GTF2IRD1: variants seen among roughly 807,000 people sequenced by gnomAD.
GTF2IRD1 encodes the protein GTF2I repeat domain containing 1, also known as general transcription factor II-I repeat domain-containing protein 1.
Under a neutral mutation model 113.2 loss-of-function variants are expected in GTF2IRD1, and 26 were observed. That is an observed-to-expected ratio of 0.23 (90% CI 0.17 to 0.32). GTF2IRD1 has a LOEUF of 0.32. GTF2IRD1 is among the 10% of genes least tolerant of loss of function. The pLI is 1.00. For synonymous variants in GTF2IRD1, 484 were observed against 529.1 expected (o/e 0.91, Z 1.17); for missense variants, 864 against 1,280.8 (o/e 0.67, Z 4.97).
intron 22 of GTF2IRD1, chr7:74,572,620 C>T (rs1211086011): frequency 5.4e-6 from 5 of 925,592 alleles, no homozygotes; most frequent in African/African-American, 1.8e-5. Context: ...ATTTCCTTGT[C>T]GCCAATCACA....
chr7:74,512,167 C>A lies in GTF2IRD1; in HGVS notation c.124-663C>A, dbSNP rs1796673978. Among the ~76,000 whole-genome samples, 1 of 152,110 alleles carries A rather than the reference C, an allele frequency of 6.6e-6. No homozygotes were observed. Among genetic ancestry groups the A allele is most frequent in the South Asian group, 2.1e-4 (1 of 4,822 alleles). ...AGGAGTTTGAGACCAGCCTGGCCAA[C>A]ATGGTGAAACCCCATCTCTACTTAT... On this transcript the variant is annotated intron_variant, in intron 2 of 26. Transcript: ENST00000424337. The surrounding 1 kb of genome is among the most constrained non-coding windows in gnomAD (Gnocchi z 4.4).
rs1554348290 is a variant in GTF2IRD1, at chr7:74,529,828, G to T, written c.1185G>T (p.Lys395Asn). ...EAVEIVGIPD[K>N]IPFKRPCTYG... is the part of the protein sequence containing the mutation. ...TGGAGATCGTGGGCATCCCGGACAA[G>T]ATCCCCTTCAAGCGCCCCTGCACTT... Residue 395 changes from lysine to asparagine, a missense_variant, in exon 9 of 27, where the codon AAG becomes AAT. By Grantham distance (94) the Lys-to-Asn change is moderately conservative. Transcript: ENST00000424337. 1 of 1,613,684 alleles carries T rather than the reference G, an allele frequency of 6.2e-7. No homozygotes were observed. The highest frequency in any genetic ancestry group is 8.5e-7 in the Non-Finnish European group (1 of 1,179,910).
chr7:74,579,219 A>C (rs587761417), intron 22 of GTF2IRD1, among the ~76,000 whole-genome samples: 1 of 152,088 alleles, frequency 6.6e-6, no homozygotes, highest in East Asian at 1.9e-4. Context: ...TACTCAGGAG[A>C]CTGCGGCAGG....
At chr7:74,514,976 G>A (rs1172144659) in intron 3 of GTF2IRD1, among the ~76,000 whole-genome samples, 1 of 145,528 alleles carries the variant, frequency 6.9e-6, no homozygotes. Context: ...AGAATCACTT[G>A]AACCCTGGAG....
intron 17 of GTF2IRD1, among the ~76,000 whole-genome samples, chr7:74,547,755 CTTTTTTTTTTTT>C (rs587743253): frequency 3.5e-5 from 4 of 114,256 alleles, no homozygotes; most frequent in African/African-American, 1.0e-4. Flanking sequence ...TTCTCTCTCT[CTTTTTTTTTTTT>C]TTTTTTTTTT....
intron 1 of GTF2IRD1, chr7:74,505,862 G>C (rs957976748): frequency 6.6e-6 from 1 of 152,234 alleles, no homozygotes; most frequent in Non-Finnish European, 1.5e-5. Context: ...TGGCCACCTC[G>C]TGGTTCATCA....
At chr7:74,585,007 G>C (rs1801634274) in intron 22 of GTF2IRD1, among the ~76,000 whole-genome samples, 1 of 151,936 alleles carries the variant, frequency 6.6e-6, no homozygotes, top group African/African-American at 2.4e-5. Context: ...TCACCACGTT[G>C]GACAGGCTGG....
intron 1 of GTF2IRD1, among the ~76,000 whole-genome samples, chr7:74,482,258 CCTT>C (rs1350643477): frequency 7.2e-6 from 1 of 139,844 alleles, no homozygotes. Context: ...AGACGGGCCT[CCTT>C]CTGTATCCCA....
intron 22 of GTF2IRD1, among the ~76,000 whole-genome samples, chr7:74,588,741 A>G (rs587749734): frequency 2.6e-4 from 40 of 152,250 alleles, no homozygotes; most frequent in South Asian, 8.3e-4. Context: ...CATGTTGGCC[A>G]GAATGGTCTC....
chr7:74,599,647 A>G (rs1657837428), intron 25 of GTF2IRD1, among the ~76,000 whole-genome samples: 1 of 152,094 alleles, frequency 6.6e-6, no homozygotes, highest in African/African-American at 2.4e-5. Context: ...TCCACTCAGG[A>G]CCACCATACA....
intron 7 of GTF2IRD1, 78 bp from the exon 8 acceptor site, chr7:74,523,993 C>T (rs1281435888): frequency 9.9e-6 from 10 of 1,013,742 alleles, no homozygotes; most frequent in Non-Finnish European, 1.5e-5. Context: ...GGGGTGAAAG[C>T]CCGGTGGTCA....
rs1306368019 is a variant in GTF2IRD1, at chr7:74,509,253, A to T, written c.123+1050A>T. On this transcript the variant is annotated intron_variant, in intron 2 of 26. Coordinates refer to ENST00000424337, the MANE Select transcript of GTF2IRD1 (RefSeq NM_005685.4). ...ATGCCTGTAATCCCAGCTACTCGGGAGGCTGAGGCAGGAGAATCACTTGAA... is the reference window on the plus strand; with the variant it reads ...ATGCCTGTAATCCCAGCTACTCGGGTGGCTGAGGCAGGAGAATCACTTGAA... Among the ~76,000 whole-genome samples the T allele has an allele frequency of 2.6e-5, 4 of 152,240 alleles. No individual in the cohort carries two copies. In the East Asian group the frequency reaches 7.7e-4, roughly 29 times the overall value.
rs59499031 is a variant in GTF2IRD1, at chr7:74,517,427, C to CTTTT, written c.422-692_422-689dup. ...GGTCTCTCTCCCTTCCTCCCTACAC[C>CTTTT]TTTTTTTTTTTTTTTTTTTTTTTGA... On this transcript the variant is annotated intron_variant, in intron 4 of 26. Coordinates refer to ENST00000424337, the MANE Select transcript of GTF2IRD1 (RefSeq NM_005685.4). Among the ~76,000 whole-genome samples, 203 of 77,406 alleles carry CTTTT rather than the reference C, an allele frequency of 2.6e-3. 13 individuals are homozygous for CTTTT. Among genetic ancestry groups the CTTTT allele is most frequent in the African/African-American group, 8.9e-3 (170 of 19,138 alleles). 50.8% of individuals were successfully genotyped at this position (77,406 alleles called of 152,430 possible). A position where few individuals can be genotyped will look rare whatever the true frequency, so the allele number is the denominator to read the frequency against.
At chr7:74,550,216 C>G (rs1262815328) in intron 17 of GTF2IRD1, among the ~76,000 whole-genome samples, 4 of 151,912 alleles carry the variant, frequency 2.6e-5, no homozygotes, top group Non-Finnish European at 5.9e-5. Flanking sequence ...AAGGGAAGAT[C>G]ACATTTCAGG....
chr7:74,596,611 C>A (rs587609967), intron 25 of GTF2IRD1, among the ~76,000 whole-genome samples: 1 of 152,058 alleles, frequency 6.6e-6, no homozygotes, highest in South Asian at 2.1e-4. Flanking sequence ...CCACTGCACT[C>A]CAGGCTGGGT....
intron 4 of GTF2IRD1, among the ~76,000 whole-genome samples, chr7:74,517,410 TC>T (rs1289195943): frequency 1.5e-5 from 2 of 137,438 alleles, no homozygotes; most frequent in Admixed American, 1.5e-4. Flanking sequence ...TCGGTCTCTC[TC>T]CCTTCCTCCC....
chr7:74,460,124 C>T (rs1554328713), intron 1 of GTF2IRD1, among the ~76,000 whole-genome samples: 3 of 151,668 alleles, frequency 2.0e-5, no homozygotes, highest in Admixed American at 1.3e-4. Context: ...CACAGGCACA[C>T]GCCACCGTGC....
intron 22 of GTF2IRD1, among the ~76,000 whole-genome samples, chr7:74,579,236 A>G (rs1801264763): frequency 6.6e-6 from 1 of 152,148 alleles, no homozygotes; most frequent in Admixed American, 6.6e-5. Flanking sequence ...CAGGAGGATG[A>G]GGTCAAGGCT....
intron 8 of GTF2IRD1, among the ~76,000 whole-genome samples, chr7:74,528,921 G>A (rs1257089458): frequency 2.9e-5 from 3 of 104,648 alleles, no homozygotes; most frequent in Non-Finnish European, 5.5e-5. Flanking sequence ...ATGGATGGAT[G>A]GACGGACAAC....
Sources: gnomAD v4.1 joint callset for allele counts (sites outside exome capture counted in the v4.1 genomes callset) on GRCh38, gnomAD v4.1.1 for gene constraint, Gnocchi (gnomAD v3.1) non-coding constraint, MANE v1.5 for transcripts, NCBI Gene and HGNC (gene_info 2026-07-23, HGNC 2026-07-21) for gene names.